Variants in TNC observed in about 807,000 individuals in gnomAD.
The protein encoded by TNC is tenascin.
Under a neutral mutation model 202.4 loss-of-function variants are expected in TNC, and 109 were observed. The observed-to-expected ratio is 0.54, with a 90% confidence interval of 0.46 to 0.63. TNC has a LOEUF of 0.63. Among genes scored for constraint, TNC ranks in the 30% least tolerant of loss-of-function variants. The pLI, the probability that TNC is intolerant of heterozygous loss-of-function variation, is 0.00. For synonymous variants in TNC, 1,007 were observed against 1,089.7 expected, an observed-to-expected ratio of 0.92 and a Z score of 1.50; for missense variants, 2,756 against 2,833.3, an observed-to-expected ratio of 0.97 and a Z score of 0.62.
chr9:115,062,321 T>C (rs1433404473), intron 13 of TNC, among the ~76,000 whole-genome samples: 2 of 152,072 alleles, frequency 1.3e-5, no homozygotes, highest in Non-Finnish European at 2.9e-5. Context: ...TACCCAAGAA[T>C]AGAGGTAGGG....
chr9:115,026,700 G>A lies in TNC; in HGVS notation c.6170-5C>T, dbSNP rs748018801. 3.7e-6 allele frequency: 6 copies of A among 1,613,470 alleles called. No individual in the cohort carries two copies. In the South Asian group the frequency reaches 6.6e-5, roughly 18 times the overall value. Reference sequence around the variant, plus strand: ...TTTTGTTCAGGTTGTCCAGCCCTGTGGATGACAGGCAAGGGTTGCTAAGAA... The same window carrying A: ...TTTTGTTCAGGTTGTCCAGCCCTGTAGATGACAGGCAAGGGTTGCTAAGAA... On this transcript the variant is annotated splice_region_variant and splice_polypyrimidine_tract_variant and intron_variant, in intron 25 of 27. Transcript: ENST00000350763.
At position 115,035,264 on chromosome 9, in the gene TNC, G is replaced by T. The variant is rs748585161; in HGVS notation, c.5727C>A (p.Pro1909=). The change falls in exon 22 of 28, where the codon CCC becomes CCA. Residue 1909 remains proline, a synonymous_variant. Transcript: ENST00000350763. Reference sequence around the variant, plus strand: ...GGTAACCGGTGACTGATGCCCGGGGGGGTCGCCAGGTAAGGAGGGCAGTTT... The same window carrying T: ...GGTAACCGGTGACTGATGCCCGGGGTGGTCGCCAGGTAAGGAGGGCAGTTT... ...QSETALLTWR[P]PRASVTGYLL... 16 of 1,613,306 alleles carry T rather than the reference G, an allele frequency of 9.9e-6. No homozygotes were observed. Among genetic ancestry groups the T allele is most frequent in the Admixed American group, 1.7e-5 (1 of 59,918 alleles).
At chr9:115,036,608 A>T (rs1275606195) in intron 20 of TNC, among the ~76,000 whole-genome samples, 1 of 152,062 alleles carries the variant, frequency 6.6e-6, no homozygotes, top group Non-Finnish European at 1.5e-5. Context: ...ATTTGTCCTG[A>T]TGCATGCTCT....
chr9:115,063,088 T>C lies in TNC; in HGVS notation c.3862A>G (p.Ile1288Val). The change falls in exon 13 of 28, where the codon ATT becomes GTT. Residue 1288 changes from isoleucine to valine, a missense_variant. By Grantham distance (29) the Ile-to-Val change is conservative (BLOSUM62 3). Around this residue, in one of 2 missense-constraint regions of TNC, gnomAD observed 2,559 missense variants for 2,546.0 expected, o/e 1.01. Coordinates refer to ENST00000350763, the MANE Select transcript of TNC (RefSeq NM_002160.4). ...ACCTGGTCAGCCTCCTGGACCTGAATAGTAAACTGGTCATAGGTTCCATCT... is the reference window on the plus strand; with the variant it reads ...ACCTGGTCAGCCTCCTGGACCTGAACAGTAAACTGGTCATAGGTTCCATCT... ...TPDGTYDQFT[I>V]QVQEADQVEE... The C allele has an allele frequency of 6.2e-7, 1 of 1,614,170 alleles. No homozygotes were observed. The highest frequency in any genetic ancestry group is 8.5e-7 in the Non-Finnish European group (1 of 1,180,016).
At chr9:115,098,938 ATTT>A (rs35624621) in intron 1 of TNC, among the ~76,000 whole-genome samples, 13,302 of 127,290 alleles carry the variant, frequency 0.1, 854 homozygotes, top group Non-Finnish European at 0.14. Context: ...TTAAGTGTGT[ATTT>A]TTTTTTTTTT....
Position 115,035,317 on chromosome 9 carries a change from C to T in TNC, c.5674G>A (p.Asp1892Asn), listed in dbSNP as rs750018000. The T allele has an allele frequency of 6.2e-7, 1 of 1,612,564 alleles. No homozygotes were observed. The highest frequency in any genetic ancestry group is 2.2e-5 in the East Asian group (1 of 44,724). ...KFTTDLDSPR[D>N]LTATEVQSET... Reference sequence around the variant, plus strand: ...GACTGAACCTCAGTAGCAGTCAAGTCTCTTGGAGAATCGAGGTCTGGAGAA... The same window carrying T: ...GACTGAACCTCAGTAGCAGTCAAGTTTCTTGGAGAATCGAGGTCTGGAGAA... The change falls in exon 22 of 28, where the codon GAC becomes AAC. Residue 1892 changes from aspartate to asparagine, a missense_variant. Physicochemically the swap from Asp to Asn is conservative, Grantham distance 23 (BLOSUM62 1). Transcript: ENST00000350763.
rs1453720450 is a variant in TNC, at chr9:115,086,194, C to T, written c.1537G>A (p.Asp513Asn). The T allele has an allele frequency of 1.7e-5, 28 of 1,614,052 alleles. No homozygotes were observed. The highest frequency in any genetic ancestry group is 1.6e-4 in the Middle Eastern group (1 of 6,084). Residue 513 changes from aspartate to asparagine, a missense_variant, in exon 3 of 28, where the codon GAC becomes AAC. By Grantham distance (23) the Asp-to-Asn change is conservative. Transcript: ENST00000350763. Reference sequence around the variant, plus strand: ...CCGTCCTCACAGACGCACTGTCCGTCCACACAGAGGCCCCTGTTGCTGCAG... The same window carrying T: ...CCGTCCTCACAGACGCACTGTCCGTTCACACAGAGGCCCCTGTTGCTGCAG... ...RDCSNRGLCV[D>N]GQCVCEDGFT...
Position 115,030,267 on chromosome 9 carries a change from CCAT to C in TNC, c.6056_6058del (p.Asp2019del), listed in dbSNP as rs753211031. On this transcript the variant is annotated inframe_deletion, in exon 24 of 28. Transcript: ENST00000350763. ...GGTGGTACTCACAATCCATCCACCC[CCAT>C]CAGAGGTCATGTCACAGAAGACTTC... The C allele has an allele frequency of 1.2e-6, 2 of 1,611,270 alleles. No individual in the cohort carries two copies. Among genetic ancestry groups the C allele is most frequent in the Non-Finnish European group, 1.7e-6 (2 of 1,177,764 alleles).
intron 4 of TNC, 46 bp downstream of exon 4, chr9:115,084,163 G>A (rs1265181812): frequency 1.3e-6 from 2 of 1,592,458 alleles, no homozygotes; most frequent in Non-Finnish European, 1.7e-6. Flanking sequence ...TACACTGGGT[G>A]GGCTGACATC....
intron 1 of TNC, among the ~76,000 whole-genome samples, chr9:115,106,506 G>A (rs1362622221): frequency 2.0e-5 from 3 of 152,178 alleles, no homozygotes; most frequent in African/African-American, 7.2e-5. Flanking sequence ...GGGAATTGGG[G>A]TTTACATAAC....
chr9:115,093,650 G>T (rs1372189768), intron 1 of TNC, among the ~76,000 whole-genome samples: 1 of 148,374 alleles, frequency 6.7e-6, no homozygotes, highest in Non-Finnish European at 1.5e-5. Flanking sequence ...AAAGGGCCAT[G>T]GGCCAAGTTT....
intron 14 of TNC, among the ~76,000 whole-genome samples, chr9:115,058,770 G>T (rs190164184): frequency 1.8e-4 from 28 of 152,316 alleles, no homozygotes; most frequent in African/African-American, 6.5e-4. Flanking sequence ...AAAATGAAGC[G>T]ATAGTCTCTA....
At chr9:115,111,105 A>G (rs908244682) in intron 1 of TNC, among the ~76,000 whole-genome samples, 1 of 151,948 alleles carries the variant, frequency 6.6e-6, no homozygotes, top group Admixed American at 6.6e-5. Flanking sequence ...TTTTTTTATT[A>G]CTCATCAGTG....
chr9:115,103,242 C>G (rs982775873), intron 1 of TNC, among the ~76,000 whole-genome samples: 13 of 152,158 alleles, frequency 8.5e-5, no homozygotes, highest in Admixed American at 2.0e-4. Flanking sequence ...AAGTAAACTC[C>G]TTTGGCAGAA....
intron 1 of TNC, among the ~76,000 whole-genome samples, chr9:115,103,366 A>G (rs998145674): frequency 1.3e-5 from 2 of 152,164 alleles, no homozygotes; most frequent in Non-Finnish European, 2.9e-5. Flanking sequence ...AGTATTTATC[A>G]TTTTGTTGTA....
At chr9:115,093,949 G>A (rs775898973) in intron 1 of TNC, among the ~76,000 whole-genome samples, 1 of 152,028 alleles carries the variant, frequency 6.6e-6, no homozygotes, top group Non-Finnish European at 1.5e-5. Context: ...TTGTACTTTG[G>A]GAAAAATCCA....
intron 4 of TNC, 116 bp downstream of exon 4, chr9:115,084,092 TA>T: frequency 9.0e-7 from 1 of 1,115,758 alleles, no homozygotes; most frequent in Non-Finnish European, 1.3e-6. Flanking sequence ...TCTAGGCTCT[TA>T]TTTGGTATAA....
intron 26 of TNC, among the ~76,000 whole-genome samples, chr9:115,025,282 T>C (rs1216148643): frequency 6.6e-6 from 1 of 152,242 alleles, no homozygotes; most frequent in Non-Finnish European, 1.5e-5. Flanking sequence ...CAACATTCTT[T>C]GAGGGATTCA....
At chr9:115,089,454 C>G (rs1168708315) in intron 2 of TNC, among the ~76,000 whole-genome samples, 2 of 151,868 alleles carry the variant, frequency 1.3e-5, no homozygotes, top group Non-Finnish European at 2.9e-5. Context: ...GCTCTGGAGA[C>G]ACACAGGCAC....
Sources: allele counts gnomAD v4.1 joint callset (sites outside exome capture counted in the v4.1 genomes callset), GRCh38; gene constraint gnomAD v4.1.1; regional missense constraint gnomAD v4.1.1; transcripts MANE v1.5; gene names NCBI Gene and HGNC (gene_info 2026-07-23, HGNC 2026-07-21).